Variants in VWA8 observed in about 807,000 individuals in gnomAD.
VWA8 encodes the protein von Willebrand factor A domain-containing protein 8.
Under a neutral mutation model 241.5 loss-of-function variants are expected in VWA8, and 221 were observed. The observed-to-expected ratio is 0.91, with a 90% confidence interval of 0.82 to 1.02. The LOEUF is 1.02. VWA8 is among the 50% of genes least tolerant of loss of function. The pLI is 0.00. For synonymous variants in VWA8, 852 were observed against 827.1 expected, an observed-to-expected ratio of 1.03 and a Z score of -0.52; for missense variants, 2,322 against 2,328.7, an observed-to-expected ratio of 1.00 and a Z score of 0.06.
intron 20 of VWA8, among the ~76,000 whole-genome samples, chr13:41,770,866 T>G (rs2137919591): frequency 6.8e-6 from 1 of 147,190 alleles, no homozygotes; most frequent in East Asian, 2.0e-4. Context: ...AGACTGTTAT[T>G]TTGTAAAGTG....
At chr13:41,858,525 G>C (rs922216172) in intron 12 of VWA8, among the ~76,000 whole-genome samples, 1 of 151,968 alleles carries the variant, frequency 6.6e-6, no homozygotes, top group African/African-American at 2.4e-5. Context: ...AGAATCACTT[G>C]AACCCGGGAG....
At chr13:41,901,841 G>A (rs1162132051) in intron 4 of VWA8, among the ~76,000 whole-genome samples, 1 of 113,686 alleles carries the variant, frequency 8.8e-6, no homozygotes, top group East Asian at 2.6e-4. Context: ...ACTCCAGCCT[G>A]GGTGACAGAA....
intron 24 of VWA8, among the ~76,000 whole-genome samples, chr13:41,721,776 C>T (rs535109141): frequency 2.6e-5 from 4 of 152,118 alleles, no homozygotes; most frequent in Admixed American, 2.0e-4. Flanking sequence ...TTTATCTCCA[C>T]GAATTTATTT....
At chr13:41,912,585 TAA>T (rs1876064288) in intron 2 of VWA8, among the ~76,000 whole-genome samples, 1 of 152,162 alleles carries the variant, frequency 6.6e-6, no homozygotes, top group African/African-American at 2.4e-5. Context: ...CTTTTTGTTC[TAA>T]AAGAGAGATA....
chr13:41,800,283 T>C (rs1869890976), intron 17 of VWA8, among the ~76,000 whole-genome samples: 1 of 152,208 alleles, frequency 6.6e-6, no homozygotes, highest in Admixed American at 6.5e-5. Context: ...CTTGGATAGA[T>C]TCCTAGGAGT....
At chr13:41,683,932 G>A (rs2045117457) in intron 35 of VWA8, among the ~76,000 whole-genome samples, 1 of 152,106 alleles carries the variant, frequency 6.6e-6, no homozygotes, top group Admixed American at 6.6e-5. Flanking sequence ...TGTAATTCCT[G>A]GAATGCTCTG....
At chr13:41,875,682 A>G (rs1873864732) in intron 9 of VWA8, among the ~76,000 whole-genome samples, 1 of 151,834 alleles carries the variant, frequency 6.6e-6, no homozygotes, top group Admixed American at 6.6e-5. Flanking sequence ...TCTTTTTTGC[A>G]GTTTCTTCTT....
intron 17 of VWA8, among the ~76,000 whole-genome samples, chr13:41,801,155 TA>T (rs1266822671): frequency 4.0e-5 from 6 of 151,494 alleles, no homozygotes; most frequent in East Asian, 2.0e-4. Flanking sequence ...TATTTTTATT[TA>T]TTTTTTTAAT....
chr13:41,941,832 GGCT>G (rs1292033136), intron 2 of VWA8, among the ~76,000 whole-genome samples: 1 of 152,160 alleles, frequency 6.6e-6, no homozygotes, highest in African/African-American at 2.4e-5. Flanking sequence ...CAGTCAAGGA[GGCT>G]CAGAGCAGTG....
At chr13:41,622,770 T>C (rs2044665501) in intron 37 of VWA8, among the ~76,000 whole-genome samples, 1 of 152,232 alleles carries the variant, frequency 6.6e-6, no homozygotes, top group African/African-American at 2.4e-5. Context: ...AAGGCCCATA[T>C]ATTTTAGGCT....
At chr13:41,655,641 AT>A (rs2044899464) in intron 37 of VWA8, among the ~76,000 whole-genome samples, 1 of 152,014 alleles carries the variant, frequency 6.6e-6, no homozygotes, top group Non-Finnish European at 1.5e-5. Flanking sequence ...TTTTCCTATT[AT>A]TTTTATCAGC....
chr13:41,801,510 C>T lies in VWA8; in HGVS notation c.2063+9715G>A, dbSNP rs112993727. On this transcript the variant is annotated intron_variant, in intron 17 of 44. Coordinates refer to ENST00000379310, the MANE Select transcript of VWA8 (RefSeq NM_015058.2). The stretch of plus-strand genomic sequence containing the variant: ...GAAATGAATGGACAACAAGCATAGT[C>T]ACCATAAAAATAATTACTAGATCAT... 3.1e-3 allele frequency among the ~76,000 whole-genome samples: 469 copies of T among 152,254 alleles called. 3 individuals are homozygous for T. Among genetic ancestry groups the T allele is most frequent in the African/African-American group, 0.011 (448 of 41,554 alleles).
At chr13:41,788,873 T>C (rs960011958) in intron 17 of VWA8, among the ~76,000 whole-genome samples, 1 of 152,198 alleles carries the variant, frequency 6.6e-6, no homozygotes, top group African/African-American at 2.4e-5. Context: ...AACACGTATA[T>C]AGTCTGCGTG....
chr13:41,943,049 TG>T (rs1409212336), intron 2 of VWA8, among the ~76,000 whole-genome samples: 1 of 152,238 alleles, frequency 6.6e-6, no homozygotes, highest in African/African-American at 2.4e-5. Flanking sequence ...GCCCCAGGTT[TG>T]CCACAGTTTG....
At chr13:41,700,310 A>G (rs2045241438) in intron 28 of VWA8, among the ~76,000 whole-genome samples, 1 of 151,880 alleles carries the variant, frequency 6.6e-6, no homozygotes, top group Admixed American at 6.6e-5. Flanking sequence ...CATATCACAC[A>G]TATTATATAT....
intron 37 of VWA8, among the ~76,000 whole-genome samples, chr13:41,648,392 T>G (rs1324525606): frequency 2.0e-5 from 3 of 152,186 alleles, no homozygotes; most frequent in African/African-American, 4.8e-5. Context: ...AGTTCTTCCC[T>G]TGACATTACT....
chr13:41,960,453 G>A (rs571170830), intron 1 of VWA8, among the ~76,000 whole-genome samples: 16 of 152,316 alleles, frequency 1.1e-4, no homozygotes, highest in African/African-American at 3.8e-4. Flanking sequence ...ACACAGACCG[G>A]CTTCCAGGCC....
At chr13:41,921,675 C>G (rs922374588) in intron 2 of VWA8, among the ~76,000 whole-genome samples, 1 of 152,130 alleles carries the variant, frequency 6.6e-6, no homozygotes, top group Non-Finnish European at 1.5e-5. Flanking sequence ...GAGTGAACTC[C>G]CATTCACAAT....
chr13:41,672,247 T>C (rs1226896296), intron 36 of VWA8, among the ~76,000 whole-genome samples: 2 of 152,248 alleles, frequency 1.3e-5, no homozygotes, highest in Non-Finnish European at 2.9e-5. Context: ...TGTATAGATT[T>C]CTTACATATT....
Sources: gnomAD v4.1 joint callset for allele counts (sites outside exome capture counted in the v4.1 genomes callset) on GRCh38, gnomAD v4.1.1 for gene constraint, MANE v1.5 for transcripts, NCBI Gene and HGNC (gene_info 2026-07-23, HGNC 2026-07-21) for gene names.